Variants in RRM2 observed in about 807,000 individuals in gnomAD.
RRM2 encodes the protein ribonucleotide reductase regulatory subunit M2.
In RRM2, 6 loss-of-function variants were observed where a neutral mutation model predicts 45.9. That is an observed-to-expected ratio of 0.13 (90% confidence interval 0.07 to 0.26). The LOEUF (loss-of-function observed/expected upper bound fraction) is 0.26. Ranked by LOEUF, RRM2 falls within the 10% of genes least tolerant of loss-of-function variation. RRM2 has a pLI of 1.00. For synonymous variants in RRM2, 177 were observed against 173.0 expected, an observed-to-expected ratio of 1.02 and a Z score of -0.18; for missense variants, 343 against 489.5, an observed-to-expected ratio of 0.70 and a Z score of 2.82.
upstream of RRM2, among the ~76,000 whole-genome samples, chr2:10,138,586 C>T (rs187222427): frequency 4.9e-4 from 75 of 151,982 alleles, no homozygotes; most frequent in African/African-American, 1.7e-3. Flanking sequence ...CAGGTGTGAG[C>T]CACTGCACCC....
intron 3 of RRM2, among the ~76,000 whole-genome samples, chr2:10,173,682 C>G (rs987723893): frequency 2.6e-5 from 4 of 152,262 alleles, no homozygotes; most frequent in African/African-American, 9.6e-5. Flanking sequence ...ACCCCCGATG[C>G]ACAGTCTCCT....
At position 10,127,906 on chromosome 2, in the gene RRM2, C is replaced by T. The variant is rs1301366534; in HGVS notation, c.798+686C>T. ...GTAGAGCCAGGAGCGGTGGCTCATG[C>T]CTGTAATCCCAGCACTTTGGTAGGC... is the stretch of plus-strand genomic sequence containing the variant. On this transcript the variant is annotated intron_variant, in intron 7 of 9. Coordinates refer to ENST00000304567, the MANE Select transcript of RRM2 (RefSeq NM_001034.4). The surrounding 1 kb of genome is among the most constrained non-coding windows in gnomAD (Gnocchi z 4.1). Among the ~76,000 whole-genome samples the T allele has an allele frequency of 1.3e-5, 2 of 151,940 alleles. No homozygotes were observed. Among genetic ancestry groups the T allele is most frequent in the Non-Finnish European group, 2.9e-5 (2 of 67,986 alleles).
At chr2:10,194,779 G>T (rs1664379280) in intron 3 of RRM2, among the ~76,000 whole-genome samples, 1 of 152,210 alleles carries the variant, frequency 6.6e-6, no homozygotes, top group Non-Finnish European at 1.5e-5. Context: ...CAGCCCCACT[G>T]TCCTGTCCTT....
upstream of RRM2, among the ~76,000 whole-genome samples, chr2:10,136,545 C>T (rs374982551): frequency 5.6e-4 from 86 of 152,314 alleles, 1 homozygote; most frequent in African/African-American, 2.1e-3. Context: ...AGGGGGGAAT[C>T]CCTGGCTTGA....
intron 3 of RRM2, among the ~76,000 whole-genome samples, chr2:10,202,313 T>A (rs1664582012): frequency 1.3e-5 from 2 of 152,246 alleles, no homozygotes; most frequent in Admixed American, 6.5e-5. Context: ...CTACATACCT[T>A]GCATGTAAGG....
intron 2 of RRM2, 27 bp downstream of exon 2, chr2:10,123,084 G>T (rs1451286634): frequency 1.3e-6 from 2 of 1,533,122 alleles, no homozygotes; most frequent in Non-Finnish European, 1.7e-6. Flanking sequence ...GGGCAGAGGG[G>T]CCAGGGACGG....
At chr2:10,178,223 CTT>C (rs34044826) in intron 3 of RRM2, among the ~76,000 whole-genome samples, 4,349 of 125,316 alleles carry the variant, frequency 0.035, 107 homozygotes, top group East Asian at 0.12. Flanking sequence ...ACCGTGCAGG[CTT>C]TTTTTTTTTT....
At chr2:10,203,644 G>A (rs1229796250) in intron 3 of RRM2, among the ~76,000 whole-genome samples, 1 of 152,094 alleles carries the variant, frequency 6.6e-6, no homozygotes, top group African/African-American at 2.4e-5. Context: ...GCAGCTACTC[G>A]GGAGGCTGAG....
At chr2:10,154,992 G>A (rs377521772) in intron 3 of RRM2, 2 of 162,892 alleles carry the variant, frequency 1.2e-5, no homozygotes, top group Admixed American at 1.3e-4. Flanking sequence ...CACTGTGCCC[G>A]GGCTGTAAGT....
rs1663800314 is a variant in RRM2 at position 10,171,224 on chromosome 2, C to T, written n.482+28849C>T. On this transcript the variant is annotated intron_variant and non_coding_transcript_variant, in intron 3 of 3. Coordinates refer to the RRM2 transcript ENST00000381786. This position sits in a 1 kb window ranked among gnomAD's most constrained non-coding sequence, Gnocchi z 4.1. ...CTGGCAGCTTGGCCCAGCCTCCTCA[C>T]TGGTGAACAGTCAGCTCTGCCCCCT... 6.6e-6 allele frequency among the ~76,000 whole-genome samples: 1 copy of T among 152,266 alleles called. No homozygotes were observed. Among genetic ancestry groups the T allele is most frequent in the Non-Finnish European group, 1.5e-5 (1 of 68,048 alleles).
At chr2:10,191,899 G>A (rs1005913380) in intron 3 of RRM2, among the ~76,000 whole-genome samples, 17 of 152,208 alleles carry the variant, frequency 1.1e-4, no homozygotes, top group South Asian at 6.2e-4. Context: ...GACCTACAGC[G>A]TGGAGGCAGG....
Position 10,131,315 on chromosome 2 carries a change from G to A in RRM2, c.*1929G>A, listed in dbSNP as rs966394469. On this transcript the variant is annotated 3_prime_UTR_variant, in exon 10 of 10. Coordinates refer to ENST00000304567, the MANE Select transcript of RRM2 (RefSeq NM_001034.4). ...GTGAGGATTAACTTCTGCCAGCTCA[G>A]ACCATTTCCTAATCAGTTGAAAGGG... 1.3e-5 allele frequency: 2 copies of A among 152,214 alleles called. No individual in the cohort carries two copies. Among genetic ancestry groups the A allele is most frequent in the Admixed American group, 1.3e-4 (2 of 15,282 alleles). 9.4% of individuals were successfully genotyped at this position (152,214 alleles called of 1,614,324 possible). A position where few individuals can be genotyped will look rare whatever the true frequency, so the allele number is the denominator to read the frequency against.
intron 3 of RRM2, among the ~76,000 whole-genome samples, chr2:10,148,466 T>A (rs1330611255): frequency 2.0e-5 from 3 of 152,216 alleles, no homozygotes; most frequent in African/African-American, 7.2e-5. Context: ...GATTGACAGC[T>A]TTCCAGAATA....
At chr2:10,142,320 T>C (rs755154702) in exon 3 of RRM2, 1 of 1,390,006 alleles carries the variant, frequency 7.2e-7, no homozygotes, top group Non-Finnish European at 9.6e-7. Flanking sequence ...TGCTTCTGCG[T>C]GTCAGGTGTT....
chr2:10,177,695 C>G (rs1663948266), intron 3 of RRM2, among the ~76,000 whole-genome samples: 1 of 149,538 alleles, frequency 6.7e-6, no homozygotes, highest in African/African-American at 2.5e-5. Flanking sequence ...TCCTTCCTTC[C>G]TTCCTTCCTT....
chr2:10,176,895 G>T lies in RRM2; in HGVS notation n.483-33416G>T, dbSNP rs145704769. On this transcript the variant is annotated intron_variant and non_coding_transcript_variant, in intron 3 of 3. Coordinates refer to the RRM2 transcript ENST00000381786. The stretch of plus-strand genomic sequence containing the variant: ...TGGGAATGGAATTGCTGGGTCATAG[G>T]GTAGGCAATTGTTTCACTTTAGTAG... Among the ~76,000 whole-genome samples the T allele has an allele frequency of 3.3e-3, 495 of 152,228 alleles. 3 individuals carry two copies. Among genetic ancestry groups the T allele is most frequent in the African/African-American group, 0.011 (451 of 41,532 alleles).
chr2:10,179,354 G>A (rs543495126), intron 3 of RRM2, among the ~76,000 whole-genome samples: 3 of 152,242 alleles, frequency 2.0e-5, no homozygotes, highest in African/African-American at 7.2e-5. Flanking sequence ...GTTTCACCAC[G>A]TTGGCCAGGC....
chr2:10,166,943 T>C (rs527510978), intron 3 of RRM2, among the ~76,000 whole-genome samples: 1 of 152,366 alleles, frequency 6.6e-6, no homozygotes, highest in African/African-American at 2.4e-5. Flanking sequence ...CAAGTGTGTC[T>C]GTACGTGCCA....
intron 7 of RRM2, among the ~76,000 whole-genome samples, chr2:10,128,135 A>G (rs1662822516): frequency 6.6e-6 from 1 of 152,140 alleles, no homozygotes; most frequent in Admixed American, 6.5e-5. Flanking sequence ...ACTGCACTCC[A>G]GCCTGGGTGA....
Sources: gnomAD v4.1 joint callset for allele counts (sites outside exome capture counted in the v4.1 genomes callset) on GRCh38, gnomAD v4.1.1 for gene constraint, Gnocchi (gnomAD v3.1) non-coding constraint, MANE v1.5 for transcripts, NCBI Gene and HGNC (gene_info 2026-07-23, HGNC 2026-07-21) for gene names.